The following C9orf85 variants were observed in gnomAD, a reference collection of about 807,000 sequenced individuals.
C9orf85 encodes chromosome 9 open reading frame 85, also known as uncharacterized protein C9orf85.
Under a neutral mutation model 14.9 loss-of-function variants are expected in C9orf85, and 16 were observed. The observed-to-expected ratio is 1.08, with a 90% CI of 0.73 to 1.63. The LOEUF (loss-of-function observed/expected upper bound fraction) is 1.63, where lower values mean the gene tolerates loss of function less well. C9orf85 is among the 40% of genes most tolerant of loss of function. The pLI is 0.00. For synonymous variants in C9orf85, 45 were observed against 56.8 expected, an observed-to-expected ratio of 0.79 and a Z score of 0.93; for missense variants, 172 against 186.1, an observed-to-expected ratio of 0.92 and a Z score of 0.44.
intron 1 of C9orf85, among the ~76,000 whole-genome samples, chr9:71,926,640 A>G (rs1827936136): frequency 6.6e-6 from 1 of 151,482 alleles, no homozygotes; most frequent in African/African-American, 2.4e-5. Flanking sequence ...TGTTGAAAAA[A>G]AAAAAAAAAA....
intron 2 of C9orf85, among the ~76,000 whole-genome samples, chr9:71,958,141 G>A (rs1822424703): frequency 6.6e-6 from 1 of 151,140 alleles, no homozygotes; most frequent in South Asian, 2.1e-4. Context: ...GTGTTGTTTG[G>A]GGAAATAGGG....
chr9:71,978,642 A>C (rs971109424), intron 3 of C9orf85, among the ~76,000 whole-genome samples: 2 of 152,148 alleles, frequency 1.3e-5, no homozygotes, highest in African/African-American at 4.8e-5. Context: ...TTGACTGGGA[A>C]TGTGTATAAG....
intron 1 of C9orf85, among the ~76,000 whole-genome samples, chr9:71,946,784 A>C (rs1822098098): frequency 6.8e-6 from 1 of 148,144 alleles, no homozygotes; most frequent in African/African-American, 2.5e-5. Flanking sequence ...ACAGAGTGAG[A>C]CTCTGTCTCA....
intron 1 of C9orf85, among the ~76,000 whole-genome samples, chr9:71,917,837 G>A (rs1827690628): frequency 6.6e-6 from 1 of 152,164 alleles, no homozygotes; most frequent in Admixed American, 6.5e-5. Flanking sequence ...GCCTATGCAT[G>A]ACATTGATAT....
chr9:71,946,609 AT>A (rs1564091625), intron 1 of C9orf85, among the ~76,000 whole-genome samples: 1 of 152,104 alleles, frequency 6.6e-6, no homozygotes, highest in Non-Finnish European at 1.5e-5. Context: ...CCTGGGCAAC[AT>A]GGTGAAACCC....
At chr9:71,978,705 T>TAC (rs1433495054) in intron 3 of C9orf85, among the ~76,000 whole-genome samples, 2 of 152,138 alleles carry the variant, frequency 1.3e-5, no homozygotes, top group African/African-American at 2.4e-5. Context: ...AGGTGGTAGC[T>TAC]ACACAGGTAC....
At chr9:71,962,614 T>TA (rs1290161899) in intron 2 of C9orf85, among the ~76,000 whole-genome samples, 1 of 152,256 alleles carries the variant, frequency 6.6e-6, no homozygotes, top group African/African-American at 2.4e-5. Context: ...CCAGAAGAGT[T>TA]GTAATCACGT....
In C9orf85 at chr9:71,928,058, A is replaced by C. The variant is rs138511488; in HGVS notation, c.102+16222A>C. ...AAAAATTAGTAGAGCATGGTAGCAC[A>C]TTCCTGTGATCCCAGCTACTTGGGA... On this transcript the variant is annotated intron_variant, in intron 1 of 3. Coordinates refer to ENST00000334731, the MANE Select transcript of C9orf85 (RefSeq NM_182505.5). Among the ~76,000 whole-genome samples, 57 of 152,182 alleles carry C rather than the reference A, an allele frequency of 3.7e-4. No homozygotes were observed. In the East Asian group the frequency reaches 0.01, roughly 27 times the overall value.
Position 71,926,634 on chromosome 9 carries a change from GAAA to G in C9orf85, c.102+14815_102+14817del, listed in dbSNP as rs58407244. Among the ~76,000 whole-genome samples, 599 of 115,824 alleles carry G rather than the reference GAAA, an allele frequency of 5.2e-3. 4 individuals are homozygous for G. The highest frequency in any genetic ancestry group is 0.012 in the African/African-American group (372 of 31,898). The allele number at this position is 115,824 out of a possible 152,430, so 76.0% of individuals were successfully genotyped here. Reference sequence around the variant, plus strand: ...CCAAAAACCAGCAAACACTGCTGTTGAAAAAAAAAAAAAAAAAAAGAATCCTGT... The same window carrying G: ...CCAAAAACCAGCAAACACTGCTGTTGAAAAAAAAAAAAAAAAGAATCCTGT... On this transcript the variant is annotated intron_variant, in intron 1 of 3. Coordinates refer to ENST00000334731, the MANE Select transcript of C9orf85 (RefSeq NM_182505.5).
At chr9:71,927,397 G>A (rs1228806540) in intron 1 of C9orf85, among the ~76,000 whole-genome samples, 1 of 151,964 alleles carries the variant, frequency 6.6e-6, no homozygotes, top group Non-Finnish European at 1.5e-5. Context: ...CAATATGGTA[G>A]TGAAATTTAA....
intron 1 of C9orf85, among the ~76,000 whole-genome samples, chr9:71,922,499 T>C (rs1035192086): frequency 2.6e-5 from 4 of 152,180 alleles, no homozygotes; most frequent in Admixed American, 1.3e-4. Context: ...AGTGATGATG[T>C]ATTTTCACCC....
At position 71,973,190 on chromosome 9, in the gene C9orf85, C is replaced by T. The variant is rs1425542707; in HGVS notation, c.*348C>T. 1 of 152,956 alleles carries T rather than the reference C, an allele frequency of 6.5e-6. No homozygotes were observed. Among genetic ancestry groups the T allele is most frequent in the African/African-American group, 2.4e-5 (1 of 41,430 alleles). The allele number at this position is 152,956 out of a possible 1,614,324, so 9.5% of individuals were successfully genotyped here. A position where few individuals can be genotyped will look rare whatever the true frequency, so the allele number is the denominator to read the frequency against. On this transcript the variant is annotated 3_prime_UTR_variant, in exon 4 of 4. Transcript: ENST00000334731. Reference sequence around the variant, plus strand: ...TCAATTTAGAATGTGAAATTCTGACCACCTTTTGGCTTTGAGTATTTTCCA... The same window carrying T: ...TCAATTTAGAATGTGAAATTCTGACTACCTTTTGGCTTTGAGTATTTTCCA...
At chr9:71,976,627 A>G (rs1052139732), downstream of C9orf85, among the ~76,000 whole-genome samples, 1 of 149,630 alleles carries the variant, frequency 6.7e-6, no homozygotes, top group South Asian at 2.1e-4. Flanking sequence ...GCGCCACTGC[A>G]CTCCAGCCTG....
downstream of C9orf85, among the ~76,000 whole-genome samples, chr9:71,974,290 G>A (rs562822066): frequency 6.8e-6 from 1 of 146,658 alleles, no homozygotes; most frequent in East Asian, 2.0e-4. Context: ...TGTTGCCCAG[G>A]TAGAGTGCAG....
chr9:71,969,771 GTCAT>G (rs1328855260), intron 2 of C9orf85, among the ~76,000 whole-genome samples: 3 of 151,876 alleles, frequency 2.0e-5, no homozygotes, highest in African/African-American at 7.3e-5. Flanking sequence ...CATTTTCATT[GTCAT>G]TCAATCAAAA....
At chr9:71,967,646 A>G (rs1051810194) in intron 2 of C9orf85, among the ~76,000 whole-genome samples, 11 of 147,602 alleles carry the variant, frequency 7.5e-5, no homozygotes, top group African/African-American at 2.5e-4. Context: ...GGTGTTTTCT[A>G]TATAGACAGT....
chr9:71,922,007 C>A (rs920795688), intron 1 of C9orf85, among the ~76,000 whole-genome samples: 1 of 151,600 alleles, frequency 6.6e-6, no homozygotes, highest in African/African-American at 2.4e-5. Flanking sequence ...GTGGCGCAAT[C>A]TTGGCTCACT....
chr9:71,947,149 T>C (rs1822118838), intron 2 of C9orf85, 37 bp downstream of exon 2: 5 of 1,308,832 alleles, frequency 3.8e-6, no homozygotes, highest in South Asian at 2.5e-5. Context: ...CTTGGTGGTA[T>C]ATGTATCATA....
rs1448792992 is a variant in C9orf85 at position 71,911,815 on chromosome 9, C to T, written c.81C>T (p.Phe27=). Reference sequence around the variant, plus strand: ...CGTTTAGCTTCAAAAATGACAAGTTCGATAAAAGTGTGCAGACCAAGGTAG... The same window carrying T: ...CGTTTAGCTTCAAAAATGACAAGTTTGATAAAAGTGTGCAGACCAAGGTAG... ...QNTFSFKNDK[F]DKSVQTKKIN... Residue 27 remains phenylalanine, a synonymous_variant, in exon 1 of 4, where the codon TTC becomes TTT. Transcript: ENST00000334731. 2 of 1,614,032 alleles carry T rather than the reference C, an allele frequency of 1.2e-6. No homozygotes were observed. The highest frequency in any genetic ancestry group is 1.7e-6 in the Non-Finnish European group (2 of 1,179,990).
Sources: allele counts gnomAD v4.1 joint callset (sites outside exome capture counted in the v4.1 genomes callset), GRCh38; gene constraint gnomAD v4.1.1; transcripts MANE v1.5; gene names NCBI Gene and HGNC (gene_info 2026-07-23, HGNC 2026-07-21).